The following HDGFL3 variants were observed in gnomAD, a reference collection of about 807,000 sequenced individuals.
HDGFL3 encodes HDGF like 3.
In HDGFL3, 6 loss-of-function variants were observed where a neutral mutation model predicts 27.6. That is an observed-to-expected ratio of 0.22 (90% CI 0.12 to 0.43). HDGFL3 has a LOEUF of 0.43. HDGFL3 is among the 20% of genes least tolerant of loss of function. HDGFL3 has a pLI of 1.00. For missense variants in HDGFL3, 207 were observed against 250.1 expected, an observed-to-expected ratio of 0.83 and a Z score of 1.16; for synonymous variants, 88 against 88.9, an observed-to-expected ratio of 0.99 and a Z score of 0.05.
intron 5 of HDGFL3, among the ~76,000 whole-genome samples, chr15:83,144,360 A>C (rs1471385518): frequency 6.6e-6 from 1 of 152,182 alleles, no homozygotes; most frequent in Admixed American, 6.5e-5. Context: ...TTCTTGTGTA[A>C]TCACCGCCCC....
intron 1 of HDGFL3, among the ~76,000 whole-genome samples, chr15:83,196,279 C>T (rs1027346246): frequency 1.3e-4 from 19 of 151,640 alleles, no homozygotes; most frequent in African/African-American, 4.3e-4. Flanking sequence ...CTTATTGACT[C>T]CTAAAGAAGC....
intron 1 of HDGFL3, among the ~76,000 whole-genome samples, chr15:83,202,342 G>A (rs1364360750): frequency 6.6e-6 from 1 of 152,072 alleles, no homozygotes; most frequent in Non-Finnish European, 1.5e-5. Context: ...TACAAAGTGA[G>A]AGGTTAAAGA....
intron 3 of HDGFL3, chr15:83,122,735 T>A: frequency 6.2e-7 from 1 of 1,609,592 alleles, no homozygotes; most frequent in Non-Finnish European, 8.5e-7. Context: ...GTAACTTCTT[T>A]CTCTTTCTCT....
intron 1 of HDGFL3, chr15:83,169,213 G>T: frequency 2.2e-6 from 1 of 444,946 alleles, no homozygotes; most frequent in South Asian, 1.6e-5. Context: ...ACAAGACAAG[G>T]ATGTCTACCT....
At chr15:83,202,281 A>C (rs1448416200) in intron 1 of HDGFL3, among the ~76,000 whole-genome samples, 1 of 152,182 alleles carries the variant, frequency 6.6e-6, no homozygotes, top group Non-Finnish European at 1.5e-5. Context: ...GTAAGAGCTC[A>C]GCTCTTGAAG....
chr15:83,182,823 A>C (rs542473803), intron 1 of HDGFL3, among the ~76,000 whole-genome samples: 2 of 152,306 alleles, frequency 1.3e-5, no homozygotes, highest in South Asian at 2.1e-4. Context: ...GAAGTAAATT[A>C]ATGTCTGCAA....
At chr15:83,146,178 T>C (rs745913973) in intron 5 of HDGFL3, among the ~76,000 whole-genome samples, 1 of 151,998 alleles carries the variant, frequency 6.6e-6, no homozygotes, top group Non-Finnish European at 1.5e-5. Context: ...CCAAAGTCCA[T>C]GGTTCTTTCT....
At chr15:83,182,585 C>G (rs904611646) in intron 1 of HDGFL3, among the ~76,000 whole-genome samples, 5 of 151,798 alleles carry the variant, frequency 3.3e-5, no homozygotes, top group Non-Finnish European at 7.4e-5. Context: ...ATATTAAGTT[C>G]TAGAAAAGGA....
rs2036637078 is a variant in HDGFL3 at position 83,136,688 on chromosome 15, TTCC to T, written c.*2579_*2581del. The stretch of plus-strand genomic sequence containing the variant: ...AGTGGAATAAAAATATTACTTCATG[TTCC>T]TCCTTTCTAAATTACTAACTTTTGT... On this transcript the variant is annotated 3_prime_UTR_variant, in exon 6 of 6. Coordinates refer to ENST00000299633, the MANE Select transcript of HDGFL3 (RefSeq NM_016073.4). 1 of 1,578,536 alleles carries T rather than the reference TTCC, an allele frequency of 6.3e-7. No individual in the cohort carries two copies. The highest frequency in any genetic ancestry group is 1.4e-5 in the African/African-American group (1 of 72,874).
At chr15:83,146,585 C>T (rs953194396) in intron 5 of HDGFL3, among the ~76,000 whole-genome samples, 2 of 152,146 alleles carry the variant, frequency 1.3e-5, no homozygotes, top group African/African-American at 4.8e-5. Flanking sequence ...AATCCTTGTA[C>T]ACATCCTTGA....
chr15:83,180,643 AT>A (rs34952033), intron 1 of HDGFL3, among the ~76,000 whole-genome samples: 323 of 126,352 alleles, frequency 2.6e-3, no homozygotes, highest in East Asian at 0.01. Context: ...TAACTTATCA[AT>A]TTTTTTTTTT....
chr15:83,166,897 C>A (rs943827342), intron 1 of HDGFL3, among the ~76,000 whole-genome samples: 1 of 152,216 alleles, frequency 6.6e-6, no homozygotes, highest in Non-Finnish European at 1.5e-5. Flanking sequence ...TCACCTCCCA[C>A]CAGGCTCCTC....
At chr15:83,197,788 G>A (rs149187136) in intron 1 of HDGFL3, among the ~76,000 whole-genome samples, 2 of 151,992 alleles carry the variant, frequency 1.3e-5, no homozygotes, top group Non-Finnish European at 2.9e-5. Context: ...ATTATAGGCC[G>A]GGCACGGTGG....
At chr15:83,201,587 G>A (rs1046715589) in intron 1 of HDGFL3, among the ~76,000 whole-genome samples, 1 of 152,048 alleles carries the variant, frequency 6.6e-6, no homozygotes, top group Non-Finnish European at 1.5e-5. Context: ...ATGCAAACAG[G>A]CTTTTCAATG....
intron 3 of HDGFL3, among the ~76,000 whole-genome samples, chr15:83,116,943 ACT>A (rs1410971864): frequency 6.6e-6 from 1 of 151,926 alleles, no homozygotes; most frequent in African/African-American, 2.4e-5. Flanking sequence ...GTTGAAGGGG[ACT>A]CTGTGGTCAG....
chr15:83,145,897 CTTTTTTTTTTTTTTTTTTTT>C (rs3082058), intron 5 of HDGFL3, among the ~76,000 whole-genome samples: 2 of 49,474 alleles, frequency 4.0e-5, no homozygotes, highest in East Asian at 7.8e-4. Context: ...TTTCTTCTTC[CTTTTTTTTTTTTTTTTTTTT>C]TTTTTTTTTT....
Position 83,137,381 on chromosome 15 carries a change from T to C in HDGFL3, c.*1889A>G, listed in dbSNP as rs1596539822. On this transcript the variant is annotated 3_prime_UTR_variant, in exon 6 of 6. Transcript: ENST00000299633. ...CTTATAAAGACAAATCTTATTAAATTTGAAACATTTCATATATACACATAA... is the reference window on the plus strand; with the variant it reads ...CTTATAAAGACAAATCTTATTAAATCTGAAACATTTCATATATACACATAA... 2 of 152,178 alleles carry C rather than the reference T, an allele frequency of 1.3e-5. No homozygotes were observed. The highest frequency in any genetic ancestry group is 4.8e-5 in the African/African-American group (2 of 41,462). 9.4% of individuals were successfully genotyped at this position (152,178 alleles called of 1,614,324 possible).
intron 1 of HDGFL3, among the ~76,000 whole-genome samples, chr15:83,200,724 T>C (rs1409508884): frequency 6.6e-6 from 1 of 152,134 alleles, no homozygotes; most frequent in East Asian, 1.9e-4. Flanking sequence ...CAAACCAAGA[T>C]AGTAGTGGAA....
At chr15:83,180,686 C>A (rs2037369958) in intron 1 of HDGFL3, 1 of 139,376 alleles carries the variant, frequency 7.2e-6, no homozygotes, top group Non-Finnish European at 1.5e-5. Flanking sequence ...CACTCTGCTG[C>A]CCAGGCTGGA....
Sources: allele counts gnomAD v4.1 joint callset (sites outside exome capture counted in the v4.1 genomes callset), GRCh38; gene constraint gnomAD v4.1.1; transcripts MANE v1.5; gene names NCBI Gene and HGNC (gene_info 2026-07-23, HGNC 2026-07-21).